ACOXL: variants seen among roughly 807,000 people sequenced by gnomAD.
ACOXL encodes the protein acyl-coenzyme A oxidase-like protein.
In ACOXL, 70 loss-of-function variants were observed where a neutral mutation model predicts 71.9. The observed-to-expected ratio is 0.97, with a 90% CI of 0.80 to 1.19. The LOEUF (loss-of-function observed/expected upper bound fraction) is 1.19. ACOXL is among the 50% of genes most tolerant of loss of function. The pLI, the probability that ACOXL is intolerant of heterozygous loss-of-function variation, is 0.00. For missense variants in ACOXL, 703 were observed against 736.3 expected (o/e 0.95, Z 0.52); for synonymous variants, 253 against 281.6 (o/e 0.90, Z 1.02).
intron 11 of ACOXL, among the ~76,000 whole-genome samples, chr2:110,917,459 CA>C (rs1376598701): frequency 1.3e-5 from 2 of 152,182 alleles, no homozygotes. Flanking sequence ...ACTGAATGGG[CA>C]AAAACTGGAA....
At chr2:111,069,149 T>TC (rs1408272934) in intron 16 of ACOXL, among the ~76,000 whole-genome samples, 12 of 150,916 alleles carry the variant, frequency 8.0e-5, no homozygotes, top group Non-Finnish European at 1.6e-4. Flanking sequence ...CTTTTTCTTT[T>TC]TTTTTTTTTT....
intron 17 of ACOXL, among the ~76,000 whole-genome samples, chr2:111,111,791 TAAC>T (rs2069984180): frequency 6.6e-6 from 1 of 152,168 alleles, no homozygotes; most frequent in African/African-American, 2.4e-5. Context: ...CCCATGATAA[TAAC>T]AATAATATTT....
At chr2:110,930,488 A>G (rs2060440575) in intron 11 of ACOXL, among the ~76,000 whole-genome samples, 1 of 152,206 alleles carries the variant, frequency 6.6e-6, no homozygotes. Flanking sequence ...TTTGGACTGT[A>G]AACTTTTGAG....
intron 8 of ACOXL, 75 bp downstream of exon 8, chr2:110,801,799 G>A: frequency 7.7e-7 from 1 of 1,291,656 alleles, no homozygotes; most frequent in Non-Finnish European, 1.1e-6. Context: ...TTGGGTCTTG[G>A]GTCTCATGGG....
intron 9 of ACOXL, among the ~76,000 whole-genome samples, chr2:110,806,486 G>A (rs1351928698): frequency 6.6e-6 from 1 of 152,200 alleles, no homozygotes; most frequent in Non-Finnish European, 1.5e-5. Flanking sequence ...TCAGAGTGCC[G>A]AGGAAAACTG....
At chr2:110,936,825 G>A (rs1396046112) in intron 12 of ACOXL, among the ~76,000 whole-genome samples, 1 of 150,902 alleles carries the variant, frequency 6.6e-6, no homozygotes, top group Non-Finnish European at 1.5e-5. Flanking sequence ...CAGCCTGGAA[G>A]CTCTCTGAAC....
chr2:110,923,893 A>G (rs2056014), intron 11 of ACOXL, among the ~76,000 whole-genome samples: 76,951 of 151,110 alleles, frequency 0.51, 19,924 homozygotes, highest in East Asian at 0.61. Flanking sequence ...CTGAGAACAC[A>G]CCATTGTCAT....
At chr2:110,956,594 T>A (rs1320700391) in intron 12 of ACOXL, among the ~76,000 whole-genome samples, 1 of 152,148 alleles carries the variant, frequency 6.6e-6, no homozygotes, top group Non-Finnish European at 1.5e-5. Flanking sequence ...CTGGGCACGG[T>A]GGAGGTCACA....
intron 9 of ACOXL, among the ~76,000 whole-genome samples, chr2:110,829,971 T>C (rs1451859689): frequency 6.6e-6 from 1 of 152,160 alleles, no homozygotes; most frequent in Non-Finnish European, 1.5e-5. Context: ...TGAATATGAG[T>C]GGAGGTGGCT....
intron 14 of ACOXL, chr2:111,017,974 A>G (rs746172526): frequency 5.3e-5 from 8 of 152,252 alleles, no homozygotes; most frequent in Non-Finnish European, 1.2e-4. Flanking sequence ...TAGTATTCTT[A>G]AAGGCTTAGC....
At chr2:111,003,720 A>G (rs1329709739) in intron 14 of ACOXL, among the ~76,000 whole-genome samples, 1 of 152,122 alleles carries the variant, frequency 6.6e-6, no homozygotes, top group Non-Finnish European at 1.5e-5. Flanking sequence ...TAAAAATTAT[A>G]AACCTTGCAC....
At chr2:110,928,302 G>T (rs923412877) in intron 11 of ACOXL, among the ~76,000 whole-genome samples, 15 of 152,234 alleles carry the variant, frequency 9.9e-5, no homozygotes, top group African/African-American at 3.6e-4. Context: ...ACGGGACAGA[G>T]ATTTTTCTCT....
chr2:110,963,564 AATGTGTGTGT>A (rs1574301303), intron 12 of ACOXL: 5 of 1,478,530 alleles, frequency 3.4e-6, no homozygotes, highest in Middle Eastern at 1.8e-4. Context: ...GCAAATTTGA[AATGTGTGTGT>A]GTGTGTGTGT....
intron 14 of ACOXL, among the ~76,000 whole-genome samples, chr2:111,002,018 T>G (rs2063658078): frequency 6.6e-6 from 1 of 152,004 alleles, no homozygotes; most frequent in Non-Finnish European, 1.5e-5. Context: ...TCTGTCTCTC[T>G]GTCTCTGTCT....
chr2:110,736,619 CTTTTTT>C (rs57507260), intron 1 of ACOXL, among the ~76,000 whole-genome samples: 2 of 113,262 alleles, frequency 1.8e-5, no homozygotes, highest in African/African-American at 3.6e-5. Flanking sequence ...TTTGATTACT[CTTTTTT>C]TTTTTTTTTT....
At chr2:110,837,677 C>A (rs2105713837) in intron 9 of ACOXL, among the ~76,000 whole-genome samples, 1 of 151,870 alleles carries the variant, frequency 6.6e-6, no homozygotes. Context: ...GTCAGCTGTT[C>A]CAAAAAAGGA....
intron 17 of ACOXL, among the ~76,000 whole-genome samples, chr2:111,107,745 C>T (rs1372595377): frequency 6.6e-6 from 1 of 152,228 alleles, no homozygotes; most frequent in Non-Finnish European, 1.5e-5. Flanking sequence ...GCCTTGGCTT[C>T]CCAAAGTGTT....
chr2:110,934,984 G>A (rs2060607514), intron 12 of ACOXL, among the ~76,000 whole-genome samples: 2 of 152,196 alleles, frequency 1.3e-5, no homozygotes, highest in Admixed American at 6.5e-5. Flanking sequence ...GGAGGGCCCT[G>A]CCAGGGGGCT....
At chr2:110,855,573 T>G (rs930876879) in intron 10 of ACOXL, among the ~76,000 whole-genome samples, 1 of 152,260 alleles carries the variant, frequency 6.6e-6, no homozygotes, top group Non-Finnish European at 1.5e-5. Flanking sequence ...ATATATGATA[T>G]GTACTGTGAA....
Sources: gnomAD v4.1 joint callset for allele counts (sites outside exome capture counted in the v4.1 genomes callset) on GRCh38, gnomAD v4.1.1 for gene constraint, MANE v1.5 for transcripts, NCBI Gene and HGNC (gene_info 2026-07-23, HGNC 2026-07-21) for gene names.